ZMYND8: variants seen among roughly 807,000 people sequenced by gnomAD.
ZMYND8 encodes MYND-type zinc finger-containing chromatin reader ZMYND8.
ZMYND8 carries 37 observed loss-of-function variants against 140.8 expected under a neutral mutation model. That is an observed-to-expected ratio of 0.26 (90% CI 0.20 to 0.35). The LOEUF is 0.35. ZMYND8 is among the 10% of genes least tolerant of loss of function. The probability of loss-of-function intolerance (pLI) is 1.00; values close to 1 mark genes in which losing one functional copy is unlikely to be tolerated. For missense variants in ZMYND8, 1,068 were observed against 1,570.0 expected (o/e 0.68, Z 5.40); for synonymous variants, 592 against 597.1 (o/e 0.99, Z 0.12).
chr20:47,315,559 T>C (rs887991065), intron 2 of ZMYND8, among the ~76,000 whole-genome samples: 1 of 152,060 alleles, frequency 6.6e-6, no homozygotes, highest in Non-Finnish European at 1.5e-5. Context: ...GGGCTGGGCC[T>C]CTGGTGATGA....
chr20:47,334,522 A>G (rs767961844), intron 2 of ZMYND8, among the ~76,000 whole-genome samples: 14 of 151,678 alleles, frequency 9.2e-5, no homozygotes, highest in Non-Finnish European at 2.1e-4. Context: ...AGTGACTGCT[A>G]ATGAGTATGA....
rs773510258 is a variant in ZMYND8, at chr20:47,239,196, C to G, written c.2285-58G>C. ...ACCGGATTTCACTCAGGTTCACCTG[C>G]ACGGTCTTGACGCCACCAAGTTCTG... is the stretch of plus-strand genomic sequence containing the variant. On this transcript the variant is annotated intron_variant, in intron 14 of 22. Transcript: ENST00000471951. 4.9e-4 allele frequency: 722 copies of G among 1,479,232 alleles called. 1 individual carries two copies. The highest frequency in any genetic ancestry group is 6.0e-4 in the Non-Finnish European group (668 of 1,121,626). The allele number at this position is 1,479,232 out of a possible 1,614,324, so 91.6% of individuals were successfully genotyped here.
intron 15 of ZMYND8, chr20:47,238,099 T>C (rs2039469065): frequency 2.0e-5 from 3 of 152,666 alleles, no homozygotes; most frequent in Admixed American, 1.3e-4. Flanking sequence ...AAGATATTCA[T>C]TGCAGCACTG....
intron 2 of ZMYND8, among the ~76,000 whole-genome samples, chr20:47,337,563 T>TAA (rs1285251487): frequency 6.6e-6 from 1 of 152,178 alleles, no homozygotes; most frequent in African/African-American, 2.4e-5. Flanking sequence ...TGACACTTCC[T>TAA]TAATTCATCT....
At chr20:47,233,870 T>C (rs2038873900) in intron 16 of ZMYND8, among the ~76,000 whole-genome samples, 1 of 152,232 alleles carries the variant, frequency 6.6e-6, no homozygotes, top group Admixed American at 6.5e-5. Context: ...CCTTATGTGG[T>C]AGGCAAACTC....
At chr20:47,216,749 G>A (rs2036185292) in intron 21 of ZMYND8, among the ~76,000 whole-genome samples, 1 of 152,192 alleles carries the variant, frequency 6.6e-6, no homozygotes, top group Admixed American at 6.5e-5. Flanking sequence ...AGAGGTTGCA[G>A]TGAGCCGAGA....
chr20:47,309,841 C>T lies in ZMYND8; in HGVS notation c.234+215G>A, dbSNP rs192031860. The stretch of plus-strand genomic sequence containing the variant: ...TTATATACCCTCATCTCATCTGGGT[C>T]CCTGCTCTGTCCCCGAAACAGATCT... On this transcript the variant is annotated intron_variant, in intron 3 of 22. Transcript: ENST00000471951. Among the ~76,000 whole-genome samples, 3 of 152,222 alleles carry T rather than the reference C, an allele frequency of 2.0e-5. No homozygotes were observed. The East Asian group carries it at 5.8e-4, about 29-fold the overall frequency.
chr20:47,293,403 C>A (rs2077429058), intron 5 of ZMYND8, among the ~76,000 whole-genome samples: 3 of 152,098 alleles, frequency 2.0e-5, no homozygotes, highest in Admixed American at 2.0e-4. Context: ...CATGGTTTGA[C>A]CTGGGACTCA....
chr20:47,212,080 G>A (rs745938001), intron 22 of ZMYND8, among the ~76,000 whole-genome samples: 6 of 152,182 alleles, frequency 3.9e-5, no homozygotes, highest in South Asian at 2.1e-4. Flanking sequence ...TCCCTTAGCC[G>A]CCATGCCTAT....
intron 12 of ZMYND8, among the ~76,000 whole-genome samples, chr20:47,253,708 G>A (rs2074372375): frequency 1.3e-5 from 2 of 152,262 alleles, no homozygotes; most frequent in Admixed American, 6.5e-5. Flanking sequence ...AAACCTTAGG[G>A]TCCATAAAAA....
intron 2 of ZMYND8, among the ~76,000 whole-genome samples, chr20:47,326,489 G>T (rs997268046): frequency 6.6e-6 from 1 of 152,132 alleles, no homozygotes; most frequent in Admixed American, 6.5e-5. Flanking sequence ...TTTCTCCAGG[G>T]AAAACATATT....
chr20:47,327,239 C>A (rs1601956522), intron 2 of ZMYND8, among the ~76,000 whole-genome samples: 1 of 152,090 alleles, frequency 6.6e-6, no homozygotes, highest in African/African-American at 2.4e-5. Context: ...TGGTCTCCAA[C>A]TCCCGACCGC....
chr20:47,354,318 C>G (rs1354920267), intron 1 of ZMYND8: 1 of 152,142 alleles, frequency 6.6e-6, no homozygotes, highest in African/African-American at 2.4e-5. Flanking sequence ...GCCCAACAAA[C>G]ACAGTATTAT....
At chr20:47,342,838 C>A in intron 2 of ZMYND8, among the ~76,000 whole-genome samples, 1 of 136,626 alleles carries the variant, frequency 7.3e-6, no homozygotes, top group Non-Finnish European at 1.5e-5. Flanking sequence ...CAGAGCAAGA[C>A]TACATCTCAA....
intron 2 of ZMYND8, among the ~76,000 whole-genome samples, chr20:47,338,989 G>A (rs1021294357): frequency 1.9e-5 from 1 of 54,014 alleles, no homozygotes; most frequent in Admixed American, 2.1e-4. Context: ...TTTTTTTTTT[G>A]TGAGACAGAG....
intron 12 of ZMYND8, among the ~76,000 whole-genome samples, chr20:47,261,755 G>C (rs1190906531): frequency 6.6e-6 from 1 of 152,158 alleles, no homozygotes; most frequent in Non-Finnish European, 1.5e-5. Context: ...AAGGACAACT[G>C]AGGTGGAAAC....
At chr20:47,302,733 A>G (rs73304066) in intron 3 of ZMYND8, among the ~76,000 whole-genome samples, 1,764 of 152,266 alleles carry the variant, frequency 0.012, 26 homozygotes, top group African/African-American at 0.04. Flanking sequence ...ACAACGTTGA[A>G]TCCAGGAGAG....
intron 11 of ZMYND8, among the ~76,000 whole-genome samples, chr20:47,272,199 T>G (rs865849090): frequency 6.6e-6 from 1 of 151,674 alleles, no homozygotes; most frequent in African/African-American, 2.4e-5. Context: ...TGCCTCAGCC[T>G]CCCAAGTAGC....
intron 19 of ZMYND8, among the ~76,000 whole-genome samples, chr20:47,224,040 C>G (rs1224223167): frequency 6.6e-6 from 1 of 152,036 alleles, no homozygotes; most frequent in Non-Finnish European, 1.5e-5. Flanking sequence ...CCAAAAAAAA[C>G]ACAGTGTCTC....
Sources: allele counts gnomAD v4.1 joint callset (sites outside exome capture counted in the v4.1 genomes callset), GRCh38; gene constraint gnomAD v4.1.1; transcripts MANE v1.5; gene names NCBI Gene and HGNC (gene_info 2026-07-23, HGNC 2026-07-21).